The following GSTO2 variants were observed in gnomAD, a reference collection of about 807,000 sequenced individuals.
The protein encoded by GSTO2 is glutathione S-transferase omega-2.
Under a neutral mutation model 28.4 loss-of-function variants are expected in GSTO2, and 23 were observed. That is an observed-to-expected ratio of 0.81 (90% CI 0.58 to 1.15). GSTO2 has a LOEUF of 1.15. GSTO2 is among the 50% of genes most tolerant of loss of function. The pLI is 0.00. For missense variants in GSTO2, 298 were observed against 297.8 expected (o/e 1.00, Z 0.00); for synonymous variants, 109 against 111.0 (o/e 0.98, Z 0.11).
chr10:104,271,561 G>C (rs912472885), intron 1 of GSTO2, among the ~76,000 whole-genome samples: 1 of 152,208 alleles, frequency 6.6e-6, no homozygotes, highest in African/African-American at 2.4e-5. Flanking sequence ...TGCCAAAGCT[G>C]GGTCTCAAAA....
intron 5 of GSTO2, among the ~76,000 whole-genome samples, chr10:104,289,942 G>T (rs1002145487): frequency 6.6e-6 from 1 of 152,178 alleles, no homozygotes; most frequent in Non-Finnish European, 1.5e-5. Context: ...ACGAATACTG[G>T]TGAGGATGTG....
intron 5 of GSTO2, among the ~76,000 whole-genome samples, chr10:104,286,761 T>C (rs7906069): frequency 0.061 from 9,239 of 152,166 alleles, 961 homozygotes; most frequent in African/African-American, 0.21. Flanking sequence ...TTTCAATAGC[T>C]TTCTGATATA....
rs987570207 is a variant in GSTO2 at position 104,303,045 on chromosome 10, A to G, written c.*3761A>G. 3 of 152,196 alleles carry G rather than the reference A, an allele frequency of 2.0e-5. No individual in the cohort carries two copies. Among genetic ancestry groups the G allele is most frequent in the Non-Finnish European group, 2.9e-5 (2 of 68,030 alleles). 9.4% of individuals were successfully genotyped at this position (152,196 alleles called of 1,614,324 possible). ...TGGGGTTTGTTATGCAGATTATTTC[A>G]TCACCTAGATATTAAGTCTAGTATC... On this transcript the variant is annotated 3_prime_UTR_variant, in exon 7 of 7. Coordinates refer to ENST00000338595, the MANE Select transcript of GSTO2 (RefSeq NM_183239.2).
chr10:104,284,010 C>G (rs1487962527), intron 5 of GSTO2, among the ~76,000 whole-genome samples: 1 of 148,068 alleles, frequency 6.8e-6, no homozygotes, highest in African/African-American at 2.5e-5. Flanking sequence ...CCTTGTCTAA[C>G]TTTTTAAGTT....
In GSTO2 at chr10:104,304,575, G is replaced by T. The variant is rs2135162068; in HGVS notation, c.*5291G>T. 6.6e-6 allele frequency: 1 copy of T among 152,230 alleles called. No homozygotes were observed. Among genetic ancestry groups the T allele is most frequent in the Admixed American group, 6.5e-5 (1 of 15,282 alleles). 9.4% of individuals were successfully genotyped at this position (152,230 alleles called of 1,614,324 possible). A position where few individuals can be genotyped will look rare whatever the true frequency, so the allele number is the denominator to read the frequency against. ...GGGACGGCTAAGTACCTATTTCATT[G>T]GGCTGTTGAATAATGATGGTCTCAT... is the stretch of plus-strand genomic sequence containing the variant. On this transcript the variant is annotated 3_prime_UTR_variant, in exon 7 of 7. Coordinates refer to ENST00000338595, the MANE Select transcript of GSTO2 (RefSeq NM_183239.2).
rs45611836 is a variant in GSTO2 at position 104,269,704 on chromosome 10, T to A, written c.-232+435T>A. Among the ~76,000 whole-genome samples the A allele has an allele frequency of 6.0e-3, 913 of 152,326 alleles. 8 individuals are homozygous for A. Among genetic ancestry groups the A allele is most frequent in the African/African-American group, 0.018 (729 of 41,582 alleles). On this transcript the variant is annotated intron_variant, in intron 1 of 6. Coordinates refer to ENST00000338595, the MANE Select transcript of GSTO2 (RefSeq NM_183239.2). ...AGTCTTCCCTGCTACATTGAAATAA[T>A]CATAAAATAATAATAGCTAATGTTG...
chr10:104,298,692 A>T (rs1449953229), intron 6 of GSTO2, among the ~76,000 whole-genome samples: 1 of 152,206 alleles, frequency 6.6e-6, no homozygotes, highest in East Asian at 1.9e-4. Flanking sequence ...CATTTAAAAA[A>T]TGTTTTAGAA....
At chr10:104,292,196 AAT>A (rs1429319313) in intron 5 of GSTO2, among the ~76,000 whole-genome samples, 2 of 151,238 alleles carry the variant, frequency 1.3e-5, no homozygotes, top group Non-Finnish European at 2.9e-5. Flanking sequence ...AAGAATGGCC[AAT>A]ATCTTTTTTT....
intron 6 of GSTO2, 95 bp from the exon 7 acceptor site, chr10:104,299,033 C>A: frequency 8.7e-7 from 1 of 1,143,680 alleles, no homozygotes; most frequent in South Asian, 1.7e-5. Flanking sequence ...CAAATAAACT[C>A]ATTCTTCATA....
At chr10:104,281,080 A>T (rs1372816796) in intron 5 of GSTO2, among the ~76,000 whole-genome samples, 1 of 152,170 alleles carries the variant, frequency 6.6e-6, no homozygotes, top group Admixed American at 6.5e-5. Flanking sequence ...TGGTTTTCCC[A>T]TGTGTAAAAT....
intron 4 of GSTO2, among the ~76,000 whole-genome samples, chr10:104,278,371 G>A (rs930973814): frequency 6.6e-6 from 1 of 152,230 alleles, no homozygotes; most frequent in Non-Finnish European, 1.5e-5. Flanking sequence ...CGTGTAACTT[G>A]AAGCAGGAAT....
At chr10:104,291,578 T>G (rs1444090654) in intron 5 of GSTO2, 1 of 152,346 alleles carries the variant, frequency 6.6e-6, no homozygotes, top group East Asian at 1.9e-4. Context: ...GCGCGCTTCC[T>G]CCTTCCCCTT....
intron 5 of GSTO2, among the ~76,000 whole-genome samples, chr10:104,290,831 C>T (rs1255277089): frequency 6.6e-6 from 1 of 152,142 alleles, no homozygotes; most frequent in Non-Finnish European, 1.5e-5. Context: ...TATCTGATAG[C>T]ACCACATGGT....
rs369618880 is a variant in GSTO2, at chr10:104,297,545, A to T, written c.469-33A>T. The T allele has an allele frequency of 1.2e-3, 1,597 of 1,382,900 alleles. 27 individuals are homozygous for T. The South Asian group carries it at 0.018, about 15-fold the overall frequency. The allele number at this position is 1,382,900 out of a possible 1,614,324, so 85.7% of individuals were successfully genotyped here. A position where few individuals can be genotyped will look rare whatever the true frequency, so the allele number is the denominator to read the frequency against. On this transcript the variant is annotated intron_variant, in intron 5 of 6. Coordinates refer to ENST00000338595, the MANE Select transcript of GSTO2 (RefSeq NM_183239.2). ...TATAAACATGTCAGCAGATATATAAACTTATTTGCTTTTGCTTTGTTTCCA... is the reference window on the plus strand; with the variant it reads ...TATAAACATGTCAGCAGATATATAATCTTATTTGCTTTTGCTTTGTTTCCA...
chr10:104,269,805 C>T (rs1246556338), intron 1 of GSTO2, among the ~76,000 whole-genome samples: 1 of 152,200 alleles, frequency 6.6e-6, no homozygotes, highest in African/African-American at 2.4e-5. Context: ...CCTTCGCAAA[C>T]CACATAATGT....
chr10:104,279,549 C>T, intron 5 of GSTO2, 78 bp downstream of exon 5: 1 of 861,276 alleles, frequency 1.2e-6, no homozygotes, highest in Non-Finnish European at 1.9e-6. Context: ...CACTCTAACA[C>T]CAGCTTTCAC....
intron 5 of GSTO2, among the ~76,000 whole-genome samples, chr10:104,284,818 C>T (rs1318845805): frequency 6.6e-6 from 1 of 152,172 alleles, no homozygotes; most frequent in Non-Finnish European, 1.5e-5. Context: ...TGGATTTGGT[C>T]AGATTTCCTT....
At chr10:104,272,582 T>G (rs540400655) in intron 1 of GSTO2, among the ~76,000 whole-genome samples, 3 of 133,916 alleles carry the variant, frequency 2.2e-5, no homozygotes, top group African/African-American at 5.6e-5. Flanking sequence ...AGAACAGTTA[T>G]GGGACTTTTT....
rs2011874183 is a variant in GSTO2 at position 104,279,405 on chromosome 10, G to A, written c.402G>A (p.Leu134=). ...TGACCAAGGAGTGCCTGGTAGCGTT[G>A]AGATGTGGGAGAGAATGCACTAATC... ...PHLTKECLVA[L]RCGRECTNLK... Residue 134 remains leucine (L), a synonymous_variant, in exon 5 of 7, where the codon TTG becomes TTA. Transcript: ENST00000338595. The A allele has an allele frequency of 6.2e-7, 1 of 1,614,068 alleles. No homozygotes were observed. The highest frequency in any genetic ancestry group is 8.5e-7 in the Non-Finnish European group (1 of 1,179,938).
Sources: allele counts gnomAD v4.1 joint callset (sites outside exome capture counted in the v4.1 genomes callset), GRCh38; gene constraint gnomAD v4.1.1; transcripts MANE v1.5; gene names NCBI Gene and HGNC (gene_info 2026-07-23, HGNC 2026-07-21).